KDM2B: variants seen among roughly 807,000 people sequenced by gnomAD.
The protein encoded by KDM2B is lysine-specific demethylase 2B.
A neutral mutation model predicts 150.0 loss-of-function variants in KDM2B; 26 were observed. The observed-to-expected ratio is 0.17, with a 90% CI of 0.13 to 0.24. KDM2B has a LOEUF of 0.24. Ranked by LOEUF, KDM2B falls within the 10% of genes least tolerant of loss-of-function variation. The probability of loss-of-function intolerance (pLI) is 1.00; values close to 1 mark genes in which losing one functional copy is unlikely to be tolerated. For missense variants in KDM2B, 1,265 were observed against 1,816.9 expected (o/e 0.70, Z 5.52); for synonymous variants, 734 against 729.5 (o/e 1.01, Z -0.10).
chr12:121,467,089 G>A lies in KDM2B; in HGVS notation c.1735-13745C>T. On this transcript the variant is annotated intron_variant, in intron 12 of 22. Transcript: ENST00000377071. The surrounding 1 kb of genome is among the most constrained non-coding windows in gnomAD (Gnocchi z 5.1). ...GGCGGCGGCGTCGCGGCCGCCCTCG[G>A]CGCGTCAGACAGGCGGTCGGGAGGT... 2 of 956,864 alleles carry A rather than the reference G, an allele frequency of 2.1e-6. No individual in the cohort carries two copies. Among genetic ancestry groups the A allele is most frequent in the Non-Finnish European group, 2.6e-6 (2 of 764,656 alleles). 59.3% of individuals were successfully genotyped at this position (956,864 alleles called of 1,614,324 possible).
At chr12:121,516,889 TG>T (rs1886254092) in intron 9 of KDM2B, 3 of 588,334 alleles carry the variant, frequency 5.1e-6, no homozygotes, top group Admixed American at 3.1e-5. Flanking sequence ...AAAAAATCAA[TG>T]GAAAAAAAAA....
chr12:121,420,550 G>A, the KDM2B span: 6 of 1,610,686 alleles, frequency 3.7e-6, no homozygotes, highest in Non-Finnish European at 5.1e-6. Flanking sequence ...TATGGGACCA[G>A]GGCTAATGGA....
chr12:121,415,880 A>G, the KDM2B span, among the ~76,000 whole-genome samples: 2 of 102,006 alleles, frequency 2.0e-5, no homozygotes, highest in Admixed American at 2.6e-4. Flanking sequence ...GTGTACATGT[A>G]TCTGTTTTGG....
At chr12:121,517,406 C>G (rs1886306539) in intron 9 of KDM2B, among the ~76,000 whole-genome samples, 1 of 151,864 alleles carries the variant, frequency 6.6e-6, no homozygotes, top group Non-Finnish European at 1.5e-5. Context: ...CCTAGGGAAC[C>G]CTGGGGTTCC....
At chr12:121,498,721 G>A (rs781964204) in intron 11 of KDM2B, among the ~76,000 whole-genome samples, 11 of 152,104 alleles carry the variant, frequency 7.2e-5, no homozygotes, top group Non-Finnish European at 1.2e-4. Flanking sequence ...AAGCATTGAG[G>A]TAGAGGCCTC....
intron 2 of KDM2B, among the ~76,000 whole-genome samples, chr12:121,578,412 G>A (rs1353268715): frequency 6.6e-6 from 1 of 152,198 alleles, no homozygotes; most frequent in African/African-American, 2.4e-5. Context: ...CCCCAGGGGC[G>A]CCCTGAACCC....
In KDM2B at chr12:121,520,143, G is replaced by A. The variant is rs1555305623; in HGVS notation, c.1047+842C>T. On this transcript the variant is annotated intron_variant, in intron 9 of 22. Transcript: ENST00000377071. This position sits in a 1 kb window ranked among gnomAD's most constrained non-coding sequence, Gnocchi z 4.5. ...TGACCTCAAGTGATCCACCCACCTC[G>A]GCCTCCCAAAGTGCTGGGATTACAG... Among the ~76,000 whole-genome samples, 4 of 151,964 alleles carry A rather than the reference G, an allele frequency of 2.6e-5. No homozygotes were observed. The highest frequency in any genetic ancestry group is 6.6e-5 in the Admixed American group (1 of 15,244).
In KDM2B at chr12:121,548,998, A is replaced by T. The variant is rs782083724; in HGVS notation, c.577-15T>A. 6.3e-7 allele frequency: 1 copy of T among 1,597,130 alleles called. No homozygotes were observed. The highest frequency in any genetic ancestry group is 1.7e-5 in the Admixed American group (1 of 60,002). ...ACCAGGTCTACCTGAAAGCCAGACC[A>T]GTGTGAGCACTGCATTTCTCCACTG... is the stretch of plus-strand genomic sequence containing the variant. On this transcript the variant is annotated splice_polypyrimidine_tract_variant and intron_variant, in intron 5 of 22. Coordinates refer to ENST00000377071, the MANE Select transcript of KDM2B (RefSeq NM_032590.5).
At chr12:121,550,657 C>T (rs1889416147) in intron 4 of KDM2B, among the ~76,000 whole-genome samples, 1 of 152,112 alleles carries the variant, frequency 6.6e-6, no homozygotes, top group African/African-American at 2.4e-5. Context: ...CCACACCTTG[C>T]TAAGTTTTAT....
intron 9 of KDM2B, chr12:121,516,731 A>G (rs1886231606): frequency 6.3e-6 from 4 of 639,532 alleles, no homozygotes; most frequent in East Asian, 5.4e-5. Flanking sequence ...GGTCCAAGTC[A>G]TCTTCAAGCT....
chr12:121,485,754 C>T (rs1177874839), intron 12 of KDM2B, among the ~76,000 whole-genome samples: 3 of 151,576 alleles, frequency 2.0e-5, no homozygotes, highest in Non-Finnish European at 2.9e-5. Context: ...CACTCAACTA[C>T]GCAGGTAAAA....
At chr12:121,461,099 G>A (rs2139182925) in intron 12 of KDM2B, among the ~76,000 whole-genome samples, 1 of 152,220 alleles carries the variant, frequency 6.6e-6, no homozygotes, top group East Asian at 1.9e-4. Context: ...AAGGGAGGCT[G>A]GAAAAAGCGC....
At chr12:121,437,325 C>T (rs115578627) in intron 22 of KDM2B, among the ~76,000 whole-genome samples, 2,410 of 151,988 alleles carry the variant, frequency 0.016, 60 homozygotes, top group African/African-American at 0.056. Flanking sequence ...ACTCATAATA[C>T]ACTATTTGGC....
At chr12:121,568,234 C>G (rs966849664) in intron 4 of KDM2B, among the ~76,000 whole-genome samples, 1 of 151,994 alleles carries the variant, frequency 6.6e-6, no homozygotes, top group African/African-American at 2.4e-5. Flanking sequence ...TTTGGGAGGT[C>G]GAAGCAGGAG....
At chr12:121,469,673 G>A (rs1555295583) in intron 12 of KDM2B, 1 of 151,680 alleles carries the variant, frequency 6.6e-6, no homozygotes, top group East Asian at 1.9e-4. Flanking sequence ...ACCTCTTGCT[G>A]GCCACTCTAC....
At chr12:121,568,831 G>T (rs1890890095) in intron 4 of KDM2B, among the ~76,000 whole-genome samples, 1 of 147,500 alleles carries the variant, frequency 6.8e-6, no homozygotes, top group African/African-American at 2.5e-5. Flanking sequence ...TTTTTTAAGG[G>T]TACAGTGTTA....
At chr12:121,548,141 G>A (rs891397729) in intron 6 of KDM2B, among the ~76,000 whole-genome samples, 2 of 152,124 alleles carry the variant, frequency 1.3e-5, no homozygotes, top group South Asian at 2.1e-4. Flanking sequence ...GCCAGGCGCC[G>A]TGACTCACGC....
intron 11 of KDM2B, among the ~76,000 whole-genome samples, chr12:121,500,974 G>A (rs1261957340): frequency 1.3e-5 from 2 of 152,154 alleles, no homozygotes; most frequent in African/African-American, 4.8e-5. Flanking sequence ...GGCGGCACAT[G>A]CCCATAGTCC....
At chr12:121,473,734 AGAG>A (rs1881032418) in intron 12 of KDM2B, among the ~76,000 whole-genome samples, 1 of 127,516 alleles carries the variant, frequency 7.8e-6, no homozygotes, top group Non-Finnish European at 1.7e-5. Context: ...AAAAAAAAAA[AGAG>A]AGAGAGAGAG....
Sources: allele counts gnomAD v4.1 joint callset (sites outside exome capture counted in the v4.1 genomes callset), GRCh38; gene constraint gnomAD v4.1.1; non-coding constraint Gnocchi (gnomAD v3.1); transcripts MANE v1.5; gene names NCBI Gene and HGNC (gene_info 2026-07-23, HGNC 2026-07-21).